NEO1: variants seen among roughly 807,000 people sequenced by gnomAD.
NEO1 encodes neogenin 1, also known as neogenin.
A neutral mutation model predicts 159.7 loss-of-function variants in NEO1; 63 were observed. That is an observed-to-expected ratio of 0.39 (90% CI 0.32 to 0.49). The LOEUF is 0.49. Ranked by LOEUF, NEO1 falls within the 20% of genes least tolerant of loss-of-function variation. NEO1 has a pLI of 0.85. For synonymous variants in NEO1, 633 were observed against 662.0 expected (o/e 0.96, Z 0.67); for missense variants, 1,615 against 1,831.0 (o/e 0.88, Z 2.15).
intron 1 of NEO1, among the ~76,000 whole-genome samples, chr15:73,082,145 A>ATTAC (rs150932262): frequency 0.31 from 47,452 of 151,792 alleles, 8,977 homozygotes; most frequent in Admixed American, 0.45. Flanking sequence ...GAGTGCTGGG[A>ATTAC]TTACAGGCAT....
chr15:73,071,256 T>C (rs574320334), intron 1 of NEO1, among the ~76,000 whole-genome samples: 1 of 152,306 alleles, frequency 6.6e-6, no homozygotes, highest in African/African-American at 2.4e-5. Flanking sequence ...ATTCTTTATG[T>C]GTAGTTACTA....
chr15:73,297,144 G>A (rs1216280025), intron 26 of NEO1, among the ~76,000 whole-genome samples: 3 of 152,138 alleles, frequency 2.0e-5, no homozygotes, highest in African/African-American at 7.2e-5. Context: ...TGGTCTCCCC[G>A]GGCCTTGGTG....
At chr15:73,098,594 G>C (rs147211755) in intron 1 of NEO1, among the ~76,000 whole-genome samples, 1 of 152,064 alleles carries the variant, frequency 6.6e-6, no homozygotes, top group Non-Finnish European at 1.5e-5. Flanking sequence ...ACAGTCTTGC[G>C]TACAACTGCA....
intron 1 of NEO1, among the ~76,000 whole-genome samples, chr15:73,087,891 T>C (rs2069454262): frequency 6.6e-6 from 1 of 152,114 alleles, no homozygotes; most frequent in Non-Finnish European, 1.5e-5. Context: ...TTTTGTTGTA[T>C]GGATATGCCA....
At chr15:73,281,690 C>T (rs2041724562) in intron 22 of NEO1, among the ~76,000 whole-genome samples, 1 of 152,184 alleles carries the variant, frequency 6.6e-6, no homozygotes, top group South Asian at 2.1e-4. Context: ...CAAGGCAGCT[C>T]ATCCCATTAT....
intron 7 of NEO1, among the ~76,000 whole-genome samples, chr15:73,215,636 T>C (rs2037833782): frequency 6.6e-6 from 1 of 152,236 alleles, no homozygotes; most frequent in African/African-American, 2.4e-5. Flanking sequence ...TGAAACACAC[T>C]TGATCATGGT....
At chr15:73,260,663 C>T (rs1028239441) in intron 15 of NEO1, among the ~76,000 whole-genome samples, 198 bp downstream of exon 15, 6 of 152,094 alleles carry the variant, frequency 3.9e-5, no homozygotes, top group African/African-American at 1.4e-4. Context: ...TCAATTTAGA[C>T]TTGGCTTAAT....
At chr15:73,194,252 T>G (rs905295787) in intron 7 of NEO1, among the ~76,000 whole-genome samples, 1 of 152,178 alleles carries the variant, frequency 6.6e-6, no homozygotes, top group African/African-American at 2.4e-5. Context: ...GATGTGATGT[T>G]TAAGGCCCTG....
chr15:73,284,849 A>G (rs2041881495), intron 23 of NEO1, among the ~76,000 whole-genome samples: 1 of 151,938 alleles, frequency 6.6e-6, no homozygotes, highest in Non-Finnish European at 1.5e-5. Flanking sequence ...CGGCTTCCCA[A>G]AGTGCTGGGA....
intron 1 of NEO1, among the ~76,000 whole-genome samples, chr15:73,093,606 C>T (rs182704644): frequency 2.0e-5 from 3 of 150,810 alleles, no homozygotes; most frequent in East Asian, 3.9e-4. Context: ...CAAGGTCGTG[C>T]TCTGTCACCC....
chr15:73,205,444 G>A (rs1003459180), intron 7 of NEO1, among the ~76,000 whole-genome samples: 4 of 152,256 alleles, frequency 2.6e-5, no homozygotes, highest in Middle Eastern at 3.4e-3. Flanking sequence ...GTTTCATGAT[G>A]GTTACTCTTC....
chr15:73,060,867 C>A (rs565832045), intron 1 of NEO1, among the ~76,000 whole-genome samples: 13 of 151,098 alleles, frequency 8.6e-5, no homozygotes, highest in African/African-American at 3.2e-4. Context: ...CAAGGCTGGT[C>A]TCAAACTCCT....
rs1264595093 is a variant in NEO1, at chr15:73,122,387, AT to A, written c.449-135del. The A allele has an allele frequency of 5.4e-6, 4 of 735,754 alleles. No homozygotes were observed. In the East Asian group the frequency reaches 1.1e-4, roughly 20 times the overall value. The allele number at this position is 735,754 out of a possible 1,614,324, so 45.6% of individuals were successfully genotyped here. On this transcript the variant is annotated intron_variant, in intron 2 of 28. Transcript: ENST00000261908. ...TGCCCAGTATCCCTGTATTTAGCTA[AT>A]TTCCATGGACTTTCTTCTCAACCCT...
intron 7 of NEO1, among the ~76,000 whole-genome samples, chr15:73,210,392 G>A (rs182096379): frequency 6.6e-6 from 1 of 152,272 alleles, no homozygotes; most frequent in East Asian, 1.9e-4. Context: ...GGCAAGTTGG[G>A]CCTCATTGGC....
chr15:73,293,580 C>A, intron 26 of NEO1, 32 bp downstream of exon 26: 1 of 1,597,400 alleles, frequency 6.3e-7, no homozygotes. Context: ...CAGATGGAAA[C>A]CATTCCAAAA....
At chr15:73,098,457 T>TTA (rs905119010) in intron 1 of NEO1, among the ~76,000 whole-genome samples, 4 of 152,164 alleles carry the variant, frequency 2.6e-5, no homozygotes, top group African/African-American at 7.2e-5. Context: ...GTATTAAAAG[T>TTA]TATATATATG....
chr15:73,110,225 T>TA (rs1016035528), intron 1 of NEO1, among the ~76,000 whole-genome samples: 5 of 152,006 alleles, frequency 3.3e-5, no homozygotes, highest in African/African-American at 1.2e-4. Flanking sequence ...TAACAAGTAG[T>TA]AAAAAAAGAA....
At chr15:73,245,357 G>A (rs1013129959) in intron 9 of NEO1, among the ~76,000 whole-genome samples, 6 of 152,108 alleles carry the variant, frequency 3.9e-5, no homozygotes, top group Non-Finnish European at 8.8e-5. Context: ...GTGCTAAATA[G>A]GGTTACTTCT....
intron 1 of NEO1, among the ~76,000 whole-genome samples, chr15:73,103,521 A>G (rs1409042320): frequency 6.6e-6 from 1 of 152,014 alleles, no homozygotes; most frequent in Non-Finnish European, 1.5e-5. Context: ...GGCCGGTTAG[A>G]TTCTCTTCAT....
Sources: allele counts gnomAD v4.1 joint callset (sites outside exome capture counted in the v4.1 genomes callset), GRCh38; gene constraint gnomAD v4.1.1; transcripts MANE v1.5; gene names NCBI Gene and HGNC (gene_info 2026-07-23, HGNC 2026-07-21).